Variants in YTHDC2 observed in about 807,000 individuals in gnomAD.
YTHDC2 encodes the protein YTH N6-methyladenosine RNA binding protein C2.
A neutral mutation model predicts 174.9 loss-of-function variants in YTHDC2; 45 were observed. The observed-to-expected ratio is 0.26, with a 90% CI of 0.20 to 0.33. The LOEUF is 0.33. YTHDC2 is among the 10% of genes least tolerant of loss of function. The pLI, the probability that YTHDC2 is intolerant of heterozygous loss-of-function variation, is 1.00. For missense variants in YTHDC2, 1,650 were observed against 1,723.7 expected (o/e 0.96, Z 0.76); for synonymous variants, 657 against 574.5 (o/e 1.14, Z -2.05).
At chr5:113,561,235 A>G (rs1377827867) in intron 18 of YTHDC2, 50 bp downstream of exon 18, 2 of 1,454,056 alleles carry the variant, frequency 1.4e-6, no homozygotes, top group South Asian at 1.2e-5. Flanking sequence ...GAGGGAAGTG[A>G]GGGGCCATTT....
intron 17 of YTHDC2, 96 bp downstream of exon 17, chr5:113,556,230 A>G: frequency 1.7e-6 from 1 of 580,922 alleles, no homozygotes; most frequent in Non-Finnish European, 2.8e-6. Context: ...TGTTCAATAA[A>G]ATAGTAGTTT....
At chr5:113,556,540 T>A (rs1342382740) in intron 17 of YTHDC2, among the ~76,000 whole-genome samples, 5 of 152,218 alleles carry the variant, frequency 3.3e-5, no homozygotes, top group Non-Finnish European at 5.9e-5. Context: ...GTCCTACTAA[T>A]ACATTAACCT....
intron 2 of YTHDC2, among the ~76,000 whole-genome samples, chr5:113,520,009 C>G (rs1467127590): frequency 3.3e-5 from 5 of 152,046 alleles, no homozygotes. Flanking sequence ...GGTTTTAAGC[C>G]CTGCATGCAT....
chr5:113,524,868 G>A (rs775463752), intron 2 of YTHDC2, 113 bp from the exon 3 acceptor site: 5 of 800,448 alleles, frequency 6.2e-6, no homozygotes, highest in Non-Finnish European at 9.1e-6. Context: ...TTCTCCCAAA[G>A]CATTTTGATT....
At chr5:113,570,259 G>T (rs974536138) in intron 23 of YTHDC2, among the ~76,000 whole-genome samples, 1 of 151,602 alleles carries the variant, frequency 6.6e-6, no homozygotes, top group Non-Finnish European at 1.5e-5. Context: ...ACAATTCCTG[G>T]CTAATTTTTG....
intron 23 of YTHDC2, among the ~76,000 whole-genome samples, chr5:113,573,692 G>T (rs1384086790): frequency 1.3e-5 from 2 of 151,584 alleles, no homozygotes; most frequent in Non-Finnish European, 2.9e-5. Context: ...CTCTATTCTT[G>T]TCTGCCTGTT....
intron 17 of YTHDC2, among the ~76,000 whole-genome samples, chr5:113,558,501 T>G (rs1462109903): frequency 6.6e-6 from 1 of 152,140 alleles, no homozygotes; most frequent in Non-Finnish European, 1.5e-5. Flanking sequence ...ATTGTGTATG[T>G]AGGGGGTGAG....
intron 12 of YTHDC2, among the ~76,000 whole-genome samples, chr5:113,549,955 AAAAG>A (rs1167907183): frequency 7.0e-6 from 1 of 143,226 alleles, no homozygotes; most frequent in Non-Finnish European, 1.5e-5. Context: ...ATAGCAGAAA[AAAAG>A]AAGAGTTACA....
chr5:113,518,225 G>C lies in YTHDC2; in HGVS notation c.278+2863G>C, dbSNP rs1466249919. 2.9e-4 allele frequency among the ~76,000 whole-genome samples: 37 copies of C among 129,458 alleles called. 1 individual carries two copies. The highest frequency in any genetic ancestry group is 2.6e-3 in the Admixed American group (31 of 11,738). The allele number at this position is 129,458 out of a possible 152,430, so 84.9% of individuals were successfully genotyped here. A position where few individuals can be genotyped will look rare whatever the true frequency, so the allele number is the denominator to read the frequency against. On this transcript the variant is annotated intron_variant, in intron 2 of 29. Coordinates refer to ENST00000161863, the MANE Select transcript of YTHDC2 (RefSeq NM_022828.5). Reference sequence around the variant, plus strand: ...TTTTTTTTTTTGGAGACAAGGTCTTGCTCTGTCACCCAGGCTTTAGTGCAG... The same window carrying C: ...TTTTTTTTTTTGGAGACAAGGTCTTCCTCTGTCACCCAGGCTTTAGTGCAG...
chr5:113,531,168 A>G (rs572247755), intron 4 of YTHDC2, among the ~76,000 whole-genome samples: 4 of 151,946 alleles, frequency 2.6e-5, no homozygotes, highest in African/African-American at 9.7e-5. Flanking sequence ...TTCTCTTTTA[A>G]AATATTTGTT....
At chr5:113,566,088 C>T in intron 21 of YTHDC2, 69 bp downstream of exon 21, 1 of 1,399,376 alleles carries the variant, frequency 7.1e-7, no homozygotes, top group African/African-American at 1.5e-5. Context: ...CATAGTATTT[C>T]TTATGTTAAC....
intron 4 of YTHDC2, among the ~76,000 whole-genome samples, chr5:113,532,379 C>A (rs547370459): frequency 2.6e-4 from 40 of 152,084 alleles, no homozygotes; most frequent in African/African-American, 3.9e-4. Flanking sequence ...TTAAATCGTT[C>A]CAACCTGTTT....
intron 23 of YTHDC2, among the ~76,000 whole-genome samples, chr5:113,575,322 G>A (rs941222639): frequency 6.6e-6 from 1 of 152,116 alleles, no homozygotes; most frequent in Non-Finnish European, 1.5e-5. Context: ...AGACATTGAA[G>A]GTATAACAGT....
intron 23 of YTHDC2, among the ~76,000 whole-genome samples, chr5:113,575,208 T>C (rs1417690062): frequency 1.3e-5 from 2 of 152,200 alleles, no homozygotes; most frequent in African/African-American, 4.8e-5. Flanking sequence ...GCATAACACA[T>C]TTAAAATGTT....
intron 17 of YTHDC2, among the ~76,000 whole-genome samples, chr5:113,557,254 G>C (rs1361884500): frequency 1.3e-5 from 2 of 152,122 alleles, no homozygotes; most frequent in Admixed American, 6.5e-5. Flanking sequence ...ATTTTCAAAA[G>C]ATAACATTAA....
At chr5:113,561,352 G>A (rs1372949258) in intron 18 of YTHDC2, among the ~76,000 whole-genome samples, 167 bp downstream of exon 18, 1 of 151,364 alleles carries the variant, frequency 6.6e-6, no homozygotes, top group Non-Finnish European at 1.5e-5. Context: ...TTCTATATAA[G>A]AAAATTTAAT....
At position 113,521,228 on chromosome 5, in the gene YTHDC2, G is replaced by A. The variant is rs528051580; in HGVS notation, c.279-3753G>A. 2.0e-5 allele frequency among the ~76,000 whole-genome samples: 3 copies of A among 152,286 alleles called. No homozygotes were observed. The East Asian group carries it at 5.8e-4, about 29-fold the overall frequency. On this transcript the variant is annotated intron_variant, in intron 2 of 29. Coordinates refer to ENST00000161863, the MANE Select transcript of YTHDC2 (RefSeq NM_022828.5). ...AACACCTGGCACCTATATAACAGATGAGGCAATTAAAGCCTAGAGATGTTA... is the reference window on the plus strand; with the variant it reads ...AACACCTGGCACCTATATAACAGATAAGGCAATTAAAGCCTAGAGATGTTA...
chr5:113,577,619 C>T (rs1390532201), intron 23 of YTHDC2, among the ~76,000 whole-genome samples: 2 of 152,198 alleles, frequency 1.3e-5, no homozygotes, highest in African/African-American at 2.4e-5. Flanking sequence ...ATCTGCTCAC[C>T]TCGGTCTCCC....
intron 7 of YTHDC2, among the ~76,000 whole-genome samples, chr5:113,536,774 CAG>C (rs10589493): frequency 0.32 from 48,981 of 151,492 alleles, 9,592 homozygotes; most frequent in African/African-American, 0.54. Flanking sequence ...TGGATGTTAA[CAG>C]TGTTTTATAT....
Sources: allele counts gnomAD v4.1 joint callset (sites outside exome capture counted in the v4.1 genomes callset), GRCh38; gene constraint gnomAD v4.1.1; transcripts MANE v1.5; gene names NCBI Gene and HGNC (gene_info 2026-07-23, HGNC 2026-07-21).